BICC1: variants seen among roughly 807,000 people sequenced by gnomAD.
The protein encoded by BICC1 is protein bicaudal C homolog 1.
A neutral mutation model predicts 111.0 loss-of-function variants in BICC1; 43 were observed. That is an observed-to-expected ratio of 0.39 (90% CI 0.30 to 0.50). The LOEUF is 0.50. Ranked by LOEUF, BICC1 falls within the 20% of genes least tolerant of loss-of-function variation. The pLI is 0.88. For missense variants in BICC1, 1,091 were observed against 1,203.2 expected, an observed-to-expected ratio of 0.91 and a Z score of 1.38; for synonymous variants, 467 against 434.4, an observed-to-expected ratio of 1.07 and a Z score of -0.93.
chr10:58,676,737 C>G (rs1278744611), intron 2 of BICC1, among the ~76,000 whole-genome samples: 1 of 152,198 alleles, frequency 6.6e-6, no homozygotes. Context: ...TCTGACCCCC[C>G]CGTGCCTCCT....
intron 3 of BICC1, among the ~76,000 whole-genome samples, chr10:58,714,565 T>G (rs1475699397): frequency 6.6e-6 from 1 of 152,184 alleles, no homozygotes; most frequent in Non-Finnish European, 1.5e-5. Flanking sequence ...GCCTCTGTCT[T>G]CCATTCCTCT....
intron 3 of BICC1, among the ~76,000 whole-genome samples, chr10:58,732,840 T>G (rs148044607): frequency 4.6e-5 from 7 of 152,118 alleles, no homozygotes; most frequent in Admixed American, 4.6e-4. Flanking sequence ...CCGAAACAAT[T>G]TACAATAGTA....
intron 3 of BICC1, among the ~76,000 whole-genome samples, chr10:58,706,016 T>A (rs190979339): frequency 1.3e-5 from 2 of 152,348 alleles, no homozygotes; most frequent in Non-Finnish European, 1.5e-5. Flanking sequence ...CAATATTTGA[T>A]ATTTCTTCTG....
chr10:58,542,705 A>G (rs1019856590), intron 1 of BICC1, among the ~76,000 whole-genome samples: 2 of 152,186 alleles, frequency 1.3e-5, no homozygotes, highest in Non-Finnish European at 2.9e-5. Flanking sequence ...GGACTCGAAT[A>G]TATCAAAGAA....
At chr10:58,716,527 C>A (rs58277560) in intron 3 of BICC1, among the ~76,000 whole-genome samples, 3,073 of 152,184 alleles carry the variant, frequency 0.02, 118 homozygotes, top group African/African-American at 0.071. Flanking sequence ...TAATACACTG[C>A]AGTCATACTA....
At chr10:58,527,368 C>G (rs200032729) in intron 1 of BICC1, among the ~76,000 whole-genome samples, 65 of 152,142 alleles carry the variant, frequency 4.3e-4, no homozygotes, top group African/African-American at 1.4e-3. Context: ...CTATTCTGTA[C>G]GTTGCCTGTT....
In BICC1 at chr10:58,658,919, G is replaced by A. The variant is rs183530831; in HGVS notation, c.237+38018G>A. ...TGATCTGGGCCTCAGTGGGTTAATT[G>A]GCACTAGAGTGTAATTGGTTCTGCA... On this transcript the variant is annotated intron_variant, in intron 2 of 20. Coordinates refer to ENST00000373886, the MANE Select transcript of BICC1 (RefSeq NM_001080512.3). Among the ~76,000 whole-genome samples the A allele has an allele frequency of 3.1e-3, 476 of 152,200 alleles. 3 individuals carry two copies. The highest frequency in any genetic ancestry group is 0.01 in the Middle Eastern group (3 of 292).
chr10:58,700,008 T>G (rs1840183079), intron 2 of BICC1, among the ~76,000 whole-genome samples: 1 of 152,208 alleles, frequency 6.6e-6, no homozygotes, highest in African/African-American at 2.4e-5. Context: ...TTCTATCTTA[T>G]CTCTTTGAGA....
intron 2 of BICC1, among the ~76,000 whole-genome samples, chr10:58,677,531 A>C (rs1158567112): frequency 6.6e-6 from 1 of 152,248 alleles, no homozygotes; most frequent in East Asian, 1.9e-4. Flanking sequence ...AAAGCCTCCA[A>C]GATATATGGG....
At position 58,821,799 on chromosome 10, in the gene BICC1, T is replaced by G. The variant is rs996081992; in HGVS notation, c.2794+1331T>G. Among the ~76,000 whole-genome samples the G allele has an allele frequency of 1.6e-4, 25 of 152,274 alleles. 1 individual carries two copies. The highest frequency in any genetic ancestry group is 1.5e-3 in the South Asian group (7 of 4,826). ...TCAATTAGGAGATCTGGGCTTTACT[T>G]ATGCTAAGTCATGAGTCCTTGAGTG... On this transcript the variant is annotated intron_variant, in intron 20 of 20. Coordinates refer to ENST00000373886, the MANE Select transcript of BICC1 (RefSeq NM_001080512.3).
At chr10:58,696,610 A>G (rs1840072289) in intron 2 of BICC1, among the ~76,000 whole-genome samples, 3 of 152,202 alleles carry the variant, frequency 2.0e-5, no homozygotes, top group African/African-American at 4.8e-5. Flanking sequence ...CTTATGACAT[A>G]TAAGATTGCT....
At position 58,826,446 on chromosome 10, in the gene BICC1, T is replaced by A. The variant is rs77023249; in HGVS notation, c.2795-2315T>A. 1.4e-4 allele frequency among the ~76,000 whole-genome samples: 21 copies of A among 152,244 alleles called. No individual in the cohort carries two copies. The East Asian group carries it at 4.1e-3, about 29-fold the overall frequency. Reference sequence around the variant, plus strand: ...TCTGGAAAAAAAATGCCACAAAGGATTTTTATTAGTAAGAAAGAAAGGAGG... The same window carrying A: ...TCTGGAAAAAAAATGCCACAAAGGAATTTTATTAGTAAGAAAGAAAGGAGG... On this transcript the variant is annotated intron_variant, in intron 20 of 20. Transcript: ENST00000373886.
At chr10:58,644,652 T>G (rs1232639456) in intron 2 of BICC1, among the ~76,000 whole-genome samples, 1 of 152,226 alleles carries the variant, frequency 6.6e-6, no homozygotes, top group Non-Finnish European at 1.5e-5. Flanking sequence ...AGTATTTTCT[T>G]GTTTTAACTT....
intron 20 of BICC1, among the ~76,000 whole-genome samples, chr10:58,821,737 A>G (rs1844256541): frequency 6.6e-6 from 1 of 152,178 alleles, no homozygotes; most frequent in South Asian, 2.1e-4. Context: ...ATTCCTGCTC[A>G]TAAGATCATC....
intron 3 of BICC1, among the ~76,000 whole-genome samples, chr10:58,743,013 T>C (rs542785028): frequency 2.0e-5 from 3 of 152,256 alleles, no homozygotes; most frequent in Admixed American, 6.5e-5. Flanking sequence ...GTGAATAAAA[T>C]AGTTAATGTA....
chr10:58,683,804 A>G (rs1266815244), intron 2 of BICC1, among the ~76,000 whole-genome samples: 4 of 151,930 alleles, frequency 2.6e-5, no homozygotes, highest in Admixed American at 2.0e-4. Flanking sequence ...TAAATATACA[A>G]TCATGTCATC....
chr10:58,739,737 A>T (rs889857216), intron 3 of BICC1, among the ~76,000 whole-genome samples: 6 of 152,170 alleles, frequency 3.9e-5, no homozygotes, highest in African/African-American at 1.4e-4. Context: ...AGATATATGT[A>T]CACATATCCC....
chr10:58,677,020 C>A (rs1192445985), intron 2 of BICC1, among the ~76,000 whole-genome samples: 1 of 152,130 alleles, frequency 6.6e-6, no homozygotes, highest in Non-Finnish European at 1.5e-5. Context: ...ACAAAAAGGA[C>A]AACCACACAA....
chr10:58,552,476 C>CAGT (rs1843321766), intron 1 of BICC1, among the ~76,000 whole-genome samples: 2 of 152,012 alleles, frequency 1.3e-5, no homozygotes, highest in Admixed American at 1.3e-4. Context: ...GCTGGGACTA[C>CAGT]AGGTGCCCGC....
Sources: allele counts gnomAD v4.1 joint callset (sites outside exome capture counted in the v4.1 genomes callset), GRCh38; gene constraint gnomAD v4.1.1; transcripts MANE v1.5; gene names NCBI Gene and HGNC (gene_info 2026-07-23, HGNC 2026-07-21).